SLC35D4: variants seen among roughly 807,000 people sequenced by gnomAD.
The protein encoded by SLC35D4 is UDP-N-acetylglucosamine transporter SLC35D4.
the SLC35D4 span, chr18:23,257,839 T>C: frequency 1.3e-5 from 2 of 153,806 alleles, no homozygotes; most frequent in East Asian, 3.9e-4. Flanking sequence ...TGTATCAGCA[T>C]TGGAAGTGCA....
the SLC35D4 span, among the ~76,000 whole-genome samples, chr18:23,248,865 C>T: frequency 6.6e-6 from 1 of 152,318 alleles, no homozygotes; most frequent in African/African-American, 2.4e-5. Flanking sequence ...AAACACCTTA[C>T]TTACTAGAAT....
At chr18:23,420,920 AG>A in the SLC35D4 span, among the ~76,000 whole-genome samples, 6 of 152,110 alleles carry the variant, frequency 3.9e-5, no homozygotes, top group African/African-American at 1.4e-4. Flanking sequence ...CACGGTTAGA[AG>A]GGAACTAAGA....
At chr18:23,251,250 C>G in the SLC35D4 span, among the ~76,000 whole-genome samples, 4 of 152,130 alleles carry the variant, frequency 2.6e-5, no homozygotes, top group African/African-American at 9.7e-5. Context: ...GTCAGGAGTT[C>G]AAGAGGAGCC....
chr18:23,363,278 T>A, the SLC35D4 span, among the ~76,000 whole-genome samples: 1 of 146,148 alleles, frequency 6.8e-6, no homozygotes, highest in Non-Finnish European at 1.5e-5. Context: ...AAAGAATTAT[T>A]CACCCAAGTC....
the SLC35D4 span, chr18:23,373,631 G>A: frequency 6.7e-7 from 1 of 1,498,782 alleles, no homozygotes; most frequent in Non-Finnish European, 9.3e-7. Context: ...CTAAAAGGAA[G>A]GACTAGGAAA....
the SLC35D4 span, among the ~76,000 whole-genome samples, chr18:23,346,182 C>T: frequency 6.6e-6 from 1 of 152,192 alleles, no homozygotes; most frequent in African/African-American, 2.4e-5. Context: ...GTCACTCAGG[C>T]TGGAGTGCAG....
chr18:23,415,936 G>A, the SLC35D4 span, among the ~76,000 whole-genome samples: 94 of 152,288 alleles, frequency 6.2e-4, no homozygotes, highest in African/African-American at 2.2e-3. Context: ...GGCCGGGCAT[G>A]GTGGCTCATG....
chr18:23,312,806 G>A, the SLC35D4 span, among the ~76,000 whole-genome samples: 1 of 152,072 alleles, frequency 6.6e-6, no homozygotes, highest in Non-Finnish European at 1.5e-5. Flanking sequence ...GCAGAGCCTG[G>A]CTCAGTCACA....
the SLC35D4 span, chr18:23,370,259 C>A: frequency 6.2e-7 from 1 of 1,613,034 alleles, no homozygotes; most frequent in African/African-American, 1.3e-5. Flanking sequence ...ATTTTATAAG[C>A]CCCTGAAAAT....
the SLC35D4 span, among the ~76,000 whole-genome samples, chr18:23,422,814 T>TC: frequency 8.6e-5 from 13 of 150,996 alleles, no homozygotes; most frequent in African/African-American, 2.4e-4. Flanking sequence ...CAAACACCCC[T>TC]CCCCCCCCCA....
the SLC35D4 span, among the ~76,000 whole-genome samples, chr18:23,323,605 T>C: frequency 2.0e-5 from 3 of 152,186 alleles, no homozygotes; most frequent in Non-Finnish European, 4.4e-5. Context: ...ACATAAACCA[T>C]GAAGACCTTC....
chr18:23,313,230 T>C, the SLC35D4 span, among the ~76,000 whole-genome samples: 30 of 148,942 alleles, frequency 2.0e-4, no homozygotes, highest in East Asian at 4.3e-3. Flanking sequence ...TCCTTTTTGC[T>C]CACTTGGAAA....
At chr18:23,327,225 A>C in the SLC35D4 span, among the ~76,000 whole-genome samples, 1 of 152,350 alleles carries the variant, frequency 6.6e-6, no homozygotes, top group East Asian at 1.9e-4. Context: ...AGATAGAGAC[A>C]CAAAAAACCC....
chr18:23,298,182 AC>A, the SLC35D4 span: 1 of 1,151,824 alleles, frequency 8.7e-7, no homozygotes, highest in Non-Finnish European at 1.3e-6. Flanking sequence ...GAGACTCATC[AC>A]CAGCCCGAAC....
At chr18:23,257,789 A>AGAT in the SLC35D4 span, 2 of 159,692 alleles carry the variant, frequency 1.3e-5, no homozygotes, top group African/African-American at 4.8e-5. Context: ...AACTTTTAAA[A>AGAT]GATACCCTCA....
chr18:23,350,365 G>T, the SLC35D4 span, among the ~76,000 whole-genome samples: 1,574 of 152,260 alleles, frequency 0.01, 27 homozygotes, highest in African/African-American at 0.036. Flanking sequence ...GGCCAGAAAG[G>T]CTTCTCCCTG....
chr18:23,276,093 CT>C, the SLC35D4 span, among the ~76,000 whole-genome samples: 142 of 148,840 alleles, frequency 9.5e-4, 1 homozygote, highest in South Asian at 3.7e-3. Context: ...AAAAGGGCAC[CT>C]TTTTTTTTTC....
chr18:23,248,538 T>TTTTTTTTTTTTAA, the SLC35D4 span, among the ~76,000 whole-genome samples: 1 of 93,600 alleles, frequency 1.1e-5, no homozygotes, highest in Admixed American at 1.7e-4. Context: ...TTTTTTTTTT[T>TTTTTTTTTTTTAA]AAAAAAAGGC....
At chr18:23,253,992 T>G in the SLC35D4 span, 21 of 1,492,588 alleles carry the variant, frequency 1.4e-5, no homozygotes, top group Non-Finnish European at 2.0e-5. Context: ...CCGGGGTTCC[T>G]CTCTCAGAAG....
Sources: gnomAD v4.1 joint callset for allele counts (sites outside exome capture counted in the v4.1 genomes callset) on GRCh38, gnomAD v4.1.1 for gene constraint, MANE v1.5 for transcripts, NCBI Gene and HGNC (gene_info 2026-07-23, HGNC 2026-07-21) for gene names.